SYT9: variants seen among roughly 807,000 people sequenced by gnomAD.
SYT9 encodes the protein synaptotagmin 9, also known as synaptotagmin-9.
In SYT9, 22 loss-of-function variants were observed where a neutral mutation model predicts 48.4. The observed-to-expected ratio is 0.45, with a 90% CI of 0.32 to 0.65. The LOEUF is 0.65. Among genes scored for constraint, SYT9 ranks in the 30% least tolerant of loss-of-function variants. The probability of loss-of-function intolerance (pLI) is 0.03; values close to 1 mark genes in which losing one functional copy is unlikely to be tolerated. For missense variants in SYT9, 577 were observed against 622.0 expected (o/e 0.93, Z 0.77); for synonymous variants, 265 against 245.0 (o/e 1.08, Z -0.76).
intron 3 of SYT9, among the ~76,000 whole-genome samples, chr11:7,320,055 TACTA>T (rs371122201): frequency 3.2e-4 from 48 of 152,362 alleles, no homozygotes; most frequent in African/African-American, 1.1e-3. Flanking sequence ...ATTTTGCTTA[TACTA>T]ACTGAGTAGT....
intron 1 of SYT9, among the ~76,000 whole-genome samples, chr11:7,293,383 C>G (rs186074216): frequency 6.6e-6 from 1 of 152,292 alleles, no homozygotes; most frequent in Non-Finnish European, 1.5e-5. Context: ...TTACCTGGCT[C>G]AGTGTCTTAA....
chr11:7,320,811 C>T (rs1247560936), intron 3 of SYT9, among the ~76,000 whole-genome samples: 1 of 152,168 alleles, frequency 6.6e-6, no homozygotes, highest in Non-Finnish European at 1.5e-5. Context: ...AACCTCTCAA[C>T]TACTGAAGCC....
chr11:7,277,049 A>G (rs1041598783), intron 1 of SYT9, among the ~76,000 whole-genome samples: 1 of 148,324 alleles, frequency 6.7e-6, no homozygotes, highest in Non-Finnish European at 1.5e-5. Context: ...ACGAGACTCT[A>G]TCTCAAAAAA....
intron 6 of SYT9, among the ~76,000 whole-genome samples, chr11:7,447,486 G>A (rs937123132): frequency 2.6e-5 from 4 of 152,150 alleles, no homozygotes; most frequent in African/African-American, 7.2e-5. Context: ...CTTTGTCTGC[G>A]ATAGCTACAC....
intron 1 of SYT9, among the ~76,000 whole-genome samples, chr11:7,278,052 A>C (rs61880898): frequency 2.1e-3 from 313 of 152,338 alleles, no homozygotes; most frequent in Middle Eastern, 3.4e-3. Context: ...TATGATGAGA[A>C]TCTTCTTGCC....
At position 7,468,127 on chromosome 11, in the gene SYT9, A is replaced by G. The variant is rs1848363599; in HGVS notation, c.*1327A>G. ...CACATTTGCACCACTACTCCAAGAT[A>G]GTATTTTTCTTTTCACACAATCTCT... On this transcript the variant is annotated 3_prime_UTR_variant, in exon 7 of 7. Coordinates refer to ENST00000318881, the MANE Select transcript of SYT9 (RefSeq NM_175733.4). The G allele has an allele frequency of 4.3e-5, 17 of 396,046 alleles. No individual in the cohort carries two copies. Among genetic ancestry groups the G allele is most frequent in the Non-Finnish European group, 6.2e-5 (14 of 224,716 alleles). The allele number at this position is 396,046 out of a possible 1,614,324, so 24.5% of individuals were successfully genotyped here. A position where few individuals can be genotyped will look rare whatever the true frequency, so the allele number is the denominator to read the frequency against.
intron 6 of SYT9, among the ~76,000 whole-genome samples, chr11:7,436,624 G>GTTTC (rs776103361): frequency 6.6e-6 from 1 of 151,968 alleles, no homozygotes; most frequent in Non-Finnish European, 1.5e-5. Flanking sequence ...TGGTTTTTTT[G>GTTTC]TTTGTTTGTT....
rs576321518 is a variant in SYT9, at chr11:7,272,374, T to A, written c.145+20043T>A. Among the ~76,000 whole-genome samples the A allele has an allele frequency of 1.6e-4, 24 of 152,324 alleles. 1 individual carries two copies. The highest frequency in any genetic ancestry group is 4.6e-4 in the African/African-American group (19 of 41,584). ...TTTTACTTCCTCCATTAATCTCTTT[T>A]CTTTTCCTCCACCCACCTTCTAGTG... On this transcript the variant is annotated intron_variant, in intron 1 of 6. Coordinates refer to ENST00000318881, the MANE Select transcript of SYT9 (RefSeq NM_175733.4).
At chr11:7,305,062 C>T (rs1018007183) in intron 2 of SYT9, among the ~76,000 whole-genome samples, 3 of 152,034 alleles carry the variant, frequency 2.0e-5, no homozygotes, top group Non-Finnish European at 4.4e-5. Context: ...AATATTTATA[C>T]TGGGAAAGTA....
intron 6 of SYT9, among the ~76,000 whole-genome samples, chr11:7,447,309 C>T (rs1847952469): frequency 6.6e-6 from 1 of 152,160 alleles, no homozygotes; most frequent in African/African-American, 2.4e-5. Flanking sequence ...AACCCAAGTT[C>T]CTTAGAGGGC....
At chr11:7,263,060 A>G (rs1057094633) in intron 1 of SYT9, among the ~76,000 whole-genome samples, 2 of 152,150 alleles carry the variant, frequency 1.3e-5, no homozygotes, top group Non-Finnish European at 2.9e-5. Context: ...AGTTGGGTAC[A>G]TTTCCCGAAA....
intron 3 of SYT9, among the ~76,000 whole-genome samples, chr11:7,371,336 A>T (rs1317205850): frequency 1.3e-5 from 2 of 152,080 alleles, no homozygotes; most frequent in African/African-American, 4.8e-5. Flanking sequence ...AGGAGCATAG[A>T]CTATCTCCAC....
intron 6 of SYT9, among the ~76,000 whole-genome samples, chr11:7,425,489 G>A (rs1847437036): frequency 6.6e-6 from 1 of 152,190 alleles, no homozygotes; most frequent in South Asian, 2.1e-4. Flanking sequence ...ATTTGGGTGT[G>A]TTGCAGGGCT....
chr11:7,246,353 A>C (rs1248670913), intron 1 of SYT9, among the ~76,000 whole-genome samples: 1 of 152,182 alleles, frequency 6.6e-6, no homozygotes, highest in Non-Finnish European at 1.5e-5. Context: ...TTATTTCTCT[A>C]TATATTACCC....
At chr11:7,377,705 C>G (rs1201622728) in intron 3 of SYT9, among the ~76,000 whole-genome samples, 1 of 152,164 alleles carries the variant, frequency 6.6e-6, no homozygotes, top group African/African-American at 2.4e-5. Flanking sequence ...CCCAGTCCAG[C>G]TCCTCCAGTT....
chr11:7,418,025 AG>A lies in SYT9; in HGVS notation c.1236del (p.Asn413ThrfsTer3). 6.2e-7 allele frequency: 1 copy of A among 1,614,182 alleles called. No individual in the cohort carries two copies. The highest frequency in any genetic ancestry group is 8.5e-7 in the Non-Finnish European group (1 of 1,180,030). Reference sequence around the variant, plus strand: ...GAAGAAGAGGAAAACATCCACCAAGAGGAACACCTTGAATCCTGTTTACAAC... The same window carrying A: ...GAAGAAGAGGAAAACATCCACCAAGAGAACACCTTGAATCCTGTTTACAAC... The part of the protein sequence containing the change: ...RLKKRKTSTK[R>X]NTLNPVYNEA... On this transcript the variant is annotated frameshift_variant, in exon 5 of 7. Transcript: ENST00000318881. LOFTEE classifies it high-confidence loss of function.
rs1564907546 is a variant in SYT9, at chr11:7,448,030, C to A, written c.1468-18762C>A. Among the ~76,000 whole-genome samples the A allele has an allele frequency of 2.0e-5, 3 of 152,240 alleles. No homozygotes were observed. In the South Asian group the frequency reaches 6.2e-4, roughly 31 times the overall value. ...ACTCGAAAAAGCTGAATGAAAAACACCCTCACCAACAGCATCTCATGTTTT... is the reference window on the plus strand; with the variant it reads ...ACTCGAAAAAGCTGAATGAAAAACAACCTCACCAACAGCATCTCATGTTTT... On this transcript the variant is annotated intron_variant, in intron 6 of 6. Transcript: ENST00000318881.
chr11:7,364,435 A>T lies in SYT9; in HGVS notation c.1044+50494A>T, dbSNP rs538864671. ...TTCTAGTGTTAGGGACATATTTCTA[A>T]TGCCCACCAAAAAATCCAATAATGT... On this transcript the variant is annotated intron_variant, in intron 3 of 6. Transcript: ENST00000318881. 2.0e-5 allele frequency among the ~76,000 whole-genome samples: 3 copies of T among 152,344 alleles called. No homozygotes were observed. In the South Asian group the frequency reaches 6.2e-4, roughly 32 times the overall value.
At chr11:7,245,396 A>G (rs1847780495) in intron 1 of SYT9, among the ~76,000 whole-genome samples, 1 of 151,656 alleles carries the variant, frequency 6.6e-6, no homozygotes, top group Admixed American at 6.6e-5. Context: ...ATCTTTTTCC[A>G]AAGGCCTTTT....
Sources: gnomAD v4.1 joint callset for allele counts (sites outside exome capture counted in the v4.1 genomes callset) on GRCh38, gnomAD v4.1.1 for gene constraint, MANE v1.5 for transcripts, NCBI Gene and HGNC (gene_info 2026-07-23, HGNC 2026-07-21) for gene names.